Variants in SNX13 observed in about 807,000 individuals in gnomAD.
The protein encoded by SNX13 is sorting nexin-13.
Under a neutral mutation model 133.6 loss-of-function variants are expected in SNX13, and 45 were observed. That is an observed-to-expected ratio of 0.34 (90% CI 0.27 to 0.43). The LOEUF (loss-of-function observed/expected upper bound fraction) is 0.43. Among genes scored for constraint, SNX13 ranks in the 20% least tolerant of loss-of-function variants. The pLI, the probability that SNX13 is intolerant of heterozygous loss-of-function variation, is 1.00. For missense variants in SNX13, 1,032 were observed against 1,145.1 expected, an observed-to-expected ratio of 0.90 and a Z score of 1.43; for synonymous variants, 414 against 373.9, an observed-to-expected ratio of 1.11 and a Z score of -1.24.
chr7:17,905,581 C>G (rs1798304240), intron 1 of SNX13, among the ~76,000 whole-genome samples: 1 of 152,056 alleles, frequency 6.6e-6, no homozygotes, highest in Admixed American at 6.6e-5. Context: ...TTCTTTCCAC[C>G]AAAATAGTAC....
At chr7:17,866,928 A>C (rs994526805) in intron 9 of SNX13, among the ~76,000 whole-genome samples, 1 of 152,236 alleles carries the variant, frequency 6.6e-6, no homozygotes, top group African/African-American at 2.4e-5. Context: ...CCTGATTTGA[A>C]CATTATACAT....
At chr7:17,839,696 G>A (rs1789638952) in intron 13 of SNX13, 111 bp downstream of exon 13, 6 of 800,182 alleles carry the variant, frequency 7.5e-6, no homozygotes, top group Admixed American at 3.3e-5. Flanking sequence ...GATTGTTATC[G>A]ATTAAAGGAG....
rs183269131 is a variant in SNX13, at chr7:17,844,133, T to C, written c.1165+1462A>G. Among the ~76,000 whole-genome samples, 263 of 151,962 alleles carry C rather than the reference T, an allele frequency of 1.7e-3. 1 individual carries two copies. Among genetic ancestry groups the C allele is most frequent in the Non-Finnish European group, 2.7e-3 (181 of 67,846 alleles). On this transcript the variant is annotated intron_variant, in intron 12 of 25. Transcript: ENST00000428135. ...CAATAGTAAAAGTCAATGAAAGCAA[T>C]AGTTGATTCTTTGAAAAGAGTGACA...
chr7:17,913,131 A>G (rs745949074), intron 1 of SNX13, among the ~76,000 whole-genome samples: 31 of 152,224 alleles, frequency 2.0e-4, no homozygotes, highest in African/African-American at 7.2e-4. Flanking sequence ...AACCCTTGGC[A>G]GGGACTGCCC....
At chr7:17,822,349 T>G (rs1039114343) in intron 17 of SNX13, among the ~76,000 whole-genome samples, 2 of 152,130 alleles carry the variant, frequency 1.3e-5, no homozygotes, top group African/African-American at 4.8e-5. Context: ...CTTTCTGATG[T>G]TACATTTCTT....
At chr7:17,924,802 G>T (rs1336357847) in intron 1 of SNX13, among the ~76,000 whole-genome samples, 1 of 152,124 alleles carries the variant, frequency 6.6e-6, no homozygotes, top group Non-Finnish European at 1.5e-5. Flanking sequence ...AAATAAATTT[G>T]AAGTCCCATT....
chr7:17,854,391 T>C (rs1791629214), intron 9 of SNX13, among the ~76,000 whole-genome samples: 2 of 152,186 alleles, frequency 1.3e-5, no homozygotes, highest in South Asian at 4.1e-4. Context: ...TAGAAAGTCA[T>C]TAAAACAATA....
intron 1 of SNX13, among the ~76,000 whole-genome samples, chr7:17,929,887 T>C (rs1801194345): frequency 6.6e-6 from 1 of 152,130 alleles, no homozygotes; most frequent in South Asian, 2.1e-4. Context: ...AATACGTAAA[T>C]TGAGAAGTTA....
intron 1 of SNX13, among the ~76,000 whole-genome samples, chr7:17,908,256 T>C (rs993808381): frequency 6.6e-6 from 1 of 152,132 alleles, no homozygotes; most frequent in African/African-American, 2.4e-5. Flanking sequence ...AACCTTCCCT[T>C]CCTCACAGCC....
intron 15 of SNX13, chr7:17,830,680 A>G (rs1430846012): frequency 1.0e-6 from 1 of 981,480 alleles, no homozygotes; most frequent in African/African-American, 1.8e-5. Flanking sequence ...TGGATTATTA[A>G]CATTAATGTC....
intron 24 of SNX13, 136 bp downstream of exon 24, chr7:17,798,552 TAG>T (rs1784297155): frequency 1.6e-6 from 1 of 613,124 alleles, no homozygotes; most frequent in East Asian, 3.0e-5. Flanking sequence ...GTATAATTCT[TAG>T]AAGTCTTTTT....
chr7:17,821,430 A>G, intron 18 of SNX13, 79 bp downstream of exon 18: 1 of 1,356,246 alleles, frequency 7.4e-7, no homozygotes, highest in South Asian at 1.4e-5. Flanking sequence ...TAATCACTCT[A>G]TCTGGGCATC....
chr7:17,890,697 C>A (rs974489556), intron 4 of SNX13, among the ~76,000 whole-genome samples: 1 of 151,550 alleles, frequency 6.6e-6, no homozygotes, highest in Non-Finnish European at 1.5e-5. Context: ...AACTTACCTA[C>A]TGCCTAGATT....
chr7:17,832,692 ACT>A (rs1355033410), intron 15 of SNX13, among the ~76,000 whole-genome samples: 4 of 151,442 alleles, frequency 2.6e-5, no homozygotes, highest in Admixed American at 2.0e-4. Flanking sequence ...TCAGAGAAGA[ACT>A]CTGTTTTTTT....
intron 1 of SNX13, among the ~76,000 whole-genome samples, chr7:17,926,050 C>T (rs551441192): frequency 6.6e-6 from 1 of 152,136 alleles, no homozygotes; most frequent in South Asian, 2.1e-4. Context: ...TAAAAAGTGA[C>T]ATAATATCAG....
In SNX13 at chr7:17,811,553, G is replaced by A. The variant is rs372843436; in HGVS notation, c.2064+3281C>T. ...CTCATGGATAGGAAGAATCAATGTC[G>A]TGAAAATGGCCATACTGCCCAAAGT... is the stretch of plus-strand genomic sequence containing the variant. On this transcript the variant is annotated intron_variant, in intron 20 of 25. Coordinates refer to ENST00000428135, the MANE Select transcript of SNX13 (RefSeq NM_015132.5). Among the ~76,000 whole-genome samples the A allele has an allele frequency of 1.2e-3, 178 of 152,260 alleles. 1 individual carries two copies. The highest frequency in any genetic ancestry group is 4.0e-3 in the African/African-American group (166 of 41,576).
chr7:17,833,077 T>C (rs1788706650), intron 15 of SNX13, among the ~76,000 whole-genome samples: 1 of 151,602 alleles, frequency 6.6e-6, no homozygotes, highest in Admixed American at 6.6e-5. Flanking sequence ...CTTAAAATAC[T>C]TAAATCTTTC....
At chr7:17,819,895 A>G (rs1787093259) in intron 18 of SNX13, among the ~76,000 whole-genome samples, 1 of 26,398 alleles carries the variant, frequency 3.8e-5, no homozygotes, top group Non-Finnish European at 6.2e-5. Context: ...TATAAGAAAC[A>G]CACACACACA....
chr7:17,812,937 G>C (rs1347938245), intron 20 of SNX13, among the ~76,000 whole-genome samples: 1 of 151,606 alleles, frequency 6.6e-6, no homozygotes, highest in Admixed American at 6.6e-5. Flanking sequence ...TGGACACAGG[G>C]AGGGAAACAT....
Sources: allele counts gnomAD v4.1 joint callset (sites outside exome capture counted in the v4.1 genomes callset), GRCh38; gene constraint gnomAD v4.1.1; transcripts MANE v1.5; gene names NCBI Gene and HGNC (gene_info 2026-07-23, HGNC 2026-07-21).